Variants in CNTN6 observed in about 807,000 individuals in gnomAD.
CNTN6 encodes the protein contactin-6.
In CNTN6, 137 loss-of-function variants were observed where a neutral mutation model predicts 122.8. The observed-to-expected ratio is 1.12, with a 90% CI of 0.97 to 1.29. CNTN6 has a LOEUF of 1.29. Among genes scored for constraint, CNTN6 ranks in the 50% most tolerant of loss-of-function variants. The pLI, the probability that CNTN6 is intolerant of heterozygous loss-of-function variation, is 0.00. For missense variants in CNTN6, 1,634 were observed against 1,223.4 expected, an observed-to-expected ratio of 1.34 and a Z score of -5.01; for synonymous variants, 570 against 426.0, an observed-to-expected ratio of 1.34 and a Z score of -4.16.
At chr3:1,168,329 G>A (rs1277185279) in intron 2 of CNTN6, among the ~76,000 whole-genome samples, 1 of 145,096 alleles carries the variant, frequency 6.9e-6, no homozygotes, top group Non-Finnish European at 1.5e-5. Context: ...TAAATGGTAA[G>A]TGAGACAGGG....
intron 20 of CNTN6, among the ~76,000 whole-genome samples, chr3:1,395,250 C>T (rs1285288580): frequency 6.6e-6 from 1 of 152,154 alleles, no homozygotes; most frequent in African/African-American, 2.4e-5. Flanking sequence ...TTCTATTATT[C>T]TATTAATGGC....
intron 20 of CNTN6, among the ~76,000 whole-genome samples, chr3:1,388,304 T>G (rs548302110): frequency 6.8e-6 from 1 of 147,178 alleles, no homozygotes; most frequent in Non-Finnish European, 1.5e-5. Flanking sequence ...AGGGGCACAC[T>G]GACACCTCAC....
Position 1,251,677 on chromosome 3 carries a change from A to C in CNTN6, c.358+23684A>C, listed in dbSNP as rs184803827. On this transcript the variant is annotated intron_variant, in intron 4 of 22. Coordinates refer to ENST00000446702, the MANE Select transcript of CNTN6 (RefSeq NM_001289080.2). The stretch of plus-strand genomic sequence containing the variant: ...CAGTGGGCCATTAATGTTGCCTGAC[A>C]TTAAGTCACCATGAAGCTCAAAGAT... 1.1e-3 allele frequency among the ~76,000 whole-genome samples: 161 copies of C among 152,174 alleles called. 2 individuals carry two copies. The highest frequency in any genetic ancestry group is 3.8e-3 in the African/African-American group (156 of 41,520).
chr3:1,265,084 T>C (rs924664521), intron 4 of CNTN6, among the ~76,000 whole-genome samples: 31 of 147,548 alleles, frequency 2.1e-4, no homozygotes, highest in Non-Finnish European at 2.8e-4. Flanking sequence ...GGATAGTATT[T>C]TATTGTGTAT....
At chr3:1,309,999 C>T (rs1167621349) in intron 7 of CNTN6, among the ~76,000 whole-genome samples, 1 of 152,094 alleles carries the variant, frequency 6.6e-6, no homozygotes, top group East Asian at 1.9e-4. Flanking sequence ...TGTTGCCTTG[C>T]TATAAGCACT....
intron 11 of CNTN6, among the ~76,000 whole-genome samples, chr3:1,335,250 G>A (rs1702886233): frequency 6.6e-6 from 1 of 152,110 alleles, no homozygotes; most frequent in Non-Finnish European, 1.5e-5. Context: ...TACACACACT[G>A]CTACATTGGA....
chr3:1,278,318 T>G, intron 4 of CNTN6, 95 bp from the exon 5 acceptor site: 2 of 827,224 alleles, frequency 2.4e-6, no homozygotes, highest in Non-Finnish European at 3.8e-6. Flanking sequence ...TGAGATTAAT[T>G]CCCCTTAATA....
chr3:1,311,299 GTATATGTACATATAAAATGTATATATACA>G (rs1559786655), intron 7 of CNTN6, among the ~76,000 whole-genome samples: 58 of 138,748 alleles, frequency 4.2e-4, no homozygotes, highest in Non-Finnish European at 6.4e-4. Context: ...ATACATATAC[GTATATGTACATATAAAATGTATATATACA>G]TATATGTACA....
At chr3:1,236,681 C>G (rs930336765) in intron 4 of CNTN6, among the ~76,000 whole-genome samples, 8 of 152,142 alleles carry the variant, frequency 5.3e-5, no homozygotes, top group Admixed American at 5.2e-4. Flanking sequence ...GGTTCTTCAA[C>G]TCCCCCAAAA....
At chr3:1,321,941 G>GCCTTCCTTATTTCTCCC in intron 8 of CNTN6, 107 bp downstream of exon 8, 1 of 963,114 alleles carries the variant, frequency 1.0e-6, no homozygotes, top group Non-Finnish European at 1.5e-6. Context: ...GGAGAAATAA[G>GCCTTCCTTATTTCTCCC]GAAGGCATAT....
chr3:1,254,578 T>C (rs906751488), intron 4 of CNTN6, among the ~76,000 whole-genome samples: 2 of 152,144 alleles, frequency 1.3e-5, no homozygotes, highest in African/African-American at 2.4e-5. Context: ...GAAGTTACAG[T>C]GCTGATAAAA....
intron 22 of CNTN6, among the ~76,000 whole-genome samples, chr3:1,403,057 G>C (rs930724266): frequency 6.6e-6 from 1 of 152,108 alleles, no homozygotes; most frequent in Non-Finnish European, 1.5e-5. Flanking sequence ...CAAGTCATTA[G>C]CATCCAATGT....
At chr3:1,362,463 T>A (rs938539434) in intron 12 of CNTN6, among the ~76,000 whole-genome samples, 1 of 152,068 alleles carries the variant, frequency 6.6e-6, no homozygotes, top group Non-Finnish European at 1.5e-5. Context: ...ATGGCATCTG[T>A]TAAAACTCCA....
chr3:1,399,938 C>T (rs2126257444), intron 20 of CNTN6, among the ~76,000 whole-genome samples: 1 of 152,174 alleles, frequency 6.6e-6, no homozygotes, highest in African/African-American at 2.4e-5. Context: ...TCTATCACAT[C>T]CCAACTGGAC....
At chr3:1,293,194 C>T (rs1047367859) in intron 5 of CNTN6, among the ~76,000 whole-genome samples, 4 of 152,060 alleles carry the variant, frequency 2.6e-5, no homozygotes, top group Non-Finnish European at 5.9e-5. Context: ...TTTGCTCCTC[C>T]CCACTATTAA....
In CNTN6 at chr3:1,128,581, T is replaced by C. The variant is rs2092243716; in HGVS notation, c.-82-19346T>C. Among the ~76,000 whole-genome samples the C allele has an allele frequency of 2.0e-5, 3 of 152,040 alleles. No individual in the cohort carries two copies. In the South Asian group the frequency reaches 6.2e-4, roughly 31 times the overall value. Reference sequence around the variant, plus strand: ...ACACTTAAGTATATAAATCAACGATTATCTAGAGAAGCCTGGAGTGATGGG... The same window carrying C: ...ACACTTAAGTATATAAATCAACGATCATCTAGAGAAGCCTGGAGTGATGGG... On this transcript the variant is annotated intron_variant, in intron 1 of 22. Coordinates refer to ENST00000446702, the MANE Select transcript of CNTN6 (RefSeq NM_001289080.2).
chr3:1,343,406 GA>G (rs1704179119), intron 11 of CNTN6, among the ~76,000 whole-genome samples: 2 of 152,184 alleles, frequency 1.3e-5, no homozygotes, highest in South Asian at 4.1e-4. Context: ...CAAACTAACA[GA>G]AAGTCACTTC....
In CNTN6 at chr3:1,383,385, A is replaced by G. The variant is rs773099905; in HGVS notation, c.2494A>G (p.Thr832Ala). 3.7e-6 allele frequency: 6 copies of G among 1,613,704 alleles called. No individual in the cohort carries two copies. In the East Asian group the frequency reaches 8.9e-5, roughly 24 times the overall value. ...SWNAIAWNRNTGRVLGYEVLY... is the reference protein window; with the variant it reads ...SWNAIAWNRNAGRVLGYEVLY... ...GAATGCTATTGCCTGGAATAGAAAC[A>G]CTGGAAGAGTGCTGGGCTATGAGGT... Residue 832 changes from threonine (T) to alanine (A), a missense_variant, in exon 19 of 23, where the codon ACT becomes GCT. Coordinates refer to ENST00000446702, the MANE Select transcript of CNTN6 (RefSeq NM_001289080.2).
intron 4 of CNTN6, among the ~76,000 whole-genome samples, chr3:1,263,332 T>G (rs1478823399): frequency 6.6e-6 from 1 of 152,212 alleles, no homozygotes; most frequent in Admixed American, 6.5e-5. Context: ...TAAGCAAGCT[T>G]TCCATCTGTT....
Sources: allele counts gnomAD v4.1 joint callset (sites outside exome capture counted in the v4.1 genomes callset), GRCh38; gene constraint gnomAD v4.1.1; transcripts MANE v1.5; gene names NCBI Gene and HGNC (gene_info 2026-07-23, HGNC 2026-07-21).